The following ALDH1L1 variants were observed in gnomAD, a reference collection of about 807,000 sequenced individuals.
ALDH1L1 encodes cytosolic 10-formyltetrahydrofolate dehydrogenase.
Under a neutral mutation model 101.1 loss-of-function variants are expected in ALDH1L1, and 68 were observed. The ratio of observed to expected loss-of-function variants is 0.67; its 90% CI spans 0.55 to 0.82. The LOEUF is 0.82. Ranked by LOEUF, ALDH1L1 falls within the 40% of genes least tolerant of loss-of-function variation. The pLI, the probability that ALDH1L1 is intolerant of heterozygous loss-of-function variation, is 0.00. For missense variants in ALDH1L1, 1,087 were observed against 1,172.7 expected (o/e 0.93, Z 1.07); for synonymous variants, 486 against 470.8 (o/e 1.03, Z -0.42).
At position 126,107,266 on chromosome 3, in the gene ALDH1L1, C is replaced by T. The variant is rs865944134; in HGVS notation, c.2348-20G>A. ...AGAACCCTGCAAGAGAGATAAAAGC[C>T]CGTTGCACATGGGAGACACGGTGCC... On this transcript the variant is annotated intron_variant, in intron 20 of 22. Transcript: ENST00000393434. 6.2e-7 allele frequency: 1 copy of T among 1,601,498 alleles called. No individual in the cohort carries two copies. Among genetic ancestry groups the T allele is most frequent in the Admixed American group, 1.7e-5 (1 of 60,008 alleles).
At chr3:126,142,290 T>C (rs2080583874) in intron 9 of ALDH1L1, among the ~76,000 whole-genome samples, 1 of 152,190 alleles carries the variant, frequency 6.6e-6, no homozygotes, top group Non-Finnish European at 1.5e-5. Flanking sequence ...AACACCAATT[T>C]TTCTCAAACT....
At chr3:126,156,798 A>T (rs531831776) in intron 4 of ALDH1L1, 2 of 152,122 alleles carry the variant, frequency 1.3e-5, no homozygotes, top group African/African-American at 4.8e-5. Context: ...GGATCACATG[A>T]CCCCCAAGCT....
rs930549417 is a variant in ALDH1L1 at position 126,117,900 on chromosome 3, G to C, written c.1982+105C>G. On this transcript the variant is annotated intron_variant, in intron 17 of 22. Transcript: ENST00000393434. The stretch of plus-strand genomic sequence containing the variant: ...GCCCAGCAGGGCCACGGAAGTGGCT[G>C]TGCCCTGGAGCCTGGGAAGCAGGAC... 6.1e-6 allele frequency: 7 copies of C among 1,146,600 alleles called. No individual in the cohort carries two copies. In the Admixed American group the frequency reaches 8.1e-5, roughly 13 times the overall value. 71.0% of individuals were successfully genotyped at this position (1,146,600 alleles called of 1,614,324 possible).
intron 1 of ALDH1L1, among the ~76,000 whole-genome samples, chr3:126,191,494 G>C (rs767329263): frequency 6.6e-6 from 1 of 152,166 alleles, no homozygotes; most frequent in African/African-American, 2.4e-5. Flanking sequence ...TTGGGGCTGC[G>C]GTAAGGCCGG....
chr3:126,172,832 C>G (rs1416001969), intron 1 of ALDH1L1, among the ~76,000 whole-genome samples: 2 of 150,792 alleles, frequency 1.3e-5, no homozygotes, highest in Non-Finnish European at 3.0e-5. Context: ...CAGAGATAAT[C>G]TTCAGTGAAG....
intron 4 of ALDH1L1, 35 bp downstream of exon 4, chr3:126,157,308 G>A (rs2080930665): frequency 1.3e-6 from 2 of 1,591,134 alleles, no homozygotes; most frequent in Admixed American, 3.4e-5. Flanking sequence ...GGGTGCGTCG[G>A]GGCGGGCAGG....
chr3:126,106,657 C>T (rs1576404015), intron 21 of ALDH1L1, among the ~76,000 whole-genome samples: 1 of 152,154 alleles, frequency 6.6e-6, no homozygotes, highest in South Asian at 2.1e-4. Context: ...CCCGAGGCTG[C>T]CACGCGGAGG....
chr3:126,181,182 G>A (rs2081470430), upstream of ALDH1L1: 4 of 635,626 alleles, frequency 6.3e-6, no homozygotes, highest in South Asian at 3.8e-5. Flanking sequence ...TCCTGGTGCC[G>A]CAGACCCCTC....
chr3:126,156,148 T>C (rs2080899347), intron 4 of ALDH1L1: 1 of 152,244 alleles, frequency 6.6e-6, no homozygotes, highest in African/African-American at 2.4e-5. Flanking sequence ...CCAGGGGACT[T>C]AGAATGTGGC....
intron 1 of ALDH1L1, among the ~76,000 whole-genome samples, chr3:126,197,017 A>C (rs551189014): frequency 6.6e-6 from 1 of 152,326 alleles, no homozygotes; most frequent in East Asian, 1.9e-4. Flanking sequence ...ATCCCCTGGA[A>C]GGCAGAGACC....
chr3:126,159,224 A>G (rs748393734), intron 2 of ALDH1L1, among the ~76,000 whole-genome samples: 13 of 147,620 alleles, frequency 8.8e-5, no homozygotes, highest in Non-Finnish European at 1.2e-4. Flanking sequence ...ACATGCGTGC[A>G]CACACACACA....
At chr3:126,152,980 G>C (rs2080835145) in intron 7 of ALDH1L1, 1 of 272,854 alleles carries the variant, frequency 3.7e-6, no homozygotes, top group African/African-American at 2.2e-5. Context: ...AATAACAAGA[G>C]CAGGTGGCCG....
chr3:126,187,944 G>A (rs2081530445), intron 1 of ALDH1L1, among the ~76,000 whole-genome samples: 2 of 151,216 alleles, frequency 1.3e-5, no homozygotes, highest in African/African-American at 4.9e-5. Context: ...TATTTGAGAA[G>A]AAAAAAAAAG....
At chr3:126,144,903 C>G (rs1434982722) in intron 9 of ALDH1L1, among the ~76,000 whole-genome samples, 2 of 152,096 alleles carry the variant, frequency 1.3e-5, no homozygotes, top group African/African-American at 4.8e-5. Flanking sequence ...GCATGGAATG[C>G]GAGAAAACTT....
rs901793124 is a variant in ALDH1L1 at position 126,150,709 on chromosome 3, C to T, written c.859-178G>A. ...TAGCTGGGATTACAGGCGCGCACCA[C>T]CATGCCCGACTAATTTTTGTTTGTA... On this transcript the variant is annotated intron_variant, in intron 7 of 22. Transcript: ENST00000393434. The T allele has an allele frequency of 3.0e-5, 18 of 595,198 alleles. No homozygotes were observed. The Middle Eastern group carries it at 2.3e-3, about 74-fold the overall frequency. The allele number at this position is 595,198 out of a possible 1,614,324, so 36.9% of individuals were successfully genotyped here. A position where few individuals can be genotyped will look rare whatever the true frequency, so the allele number is the denominator to read the frequency against.
upstream of ALDH1L1, among the ~76,000 whole-genome samples, chr3:126,186,417 G>A (rs542049027): frequency 1.2e-3 from 177 of 152,320 alleles, 2 homozygotes; most frequent in East Asian, 2.9e-3. Flanking sequence ...TGAGCAGAAC[G>A]TGGCACTGGT....
Position 126,136,848 on chromosome 3 carries a change from C to CA in ALDH1L1, c.1259dup (p.Met420IlefsTer21). On this transcript the variant is annotated frameshift_variant, in exon 11 of 23. Transcript: ENST00000393434. LOFTEE classifies it high-confidence loss of function. The stretch of plus-strand genomic sequence containing the variant: ...CCCCCCCAATGAAGAGCTGGTGGGG[C>CA]ATGCGGACAGTGCGCTTGTTCACTG... 1.2e-6 allele frequency: 2 copies of CA among 1,612,582 alleles called. No homozygotes were observed. The highest frequency in any genetic ancestry group is 8.5e-7 in the Non-Finnish European group (1 of 1,179,476).
intron 17 of ALDH1L1, among the ~76,000 whole-genome samples, chr3:126,115,947 A>C (rs2108197942): frequency 6.7e-6 from 1 of 148,868 alleles, no homozygotes; most frequent in Non-Finnish European, 1.5e-5. Context: ...ATCTCAGCTT[A>C]CTGTAACCTC....
chr3:126,178,595 C>T (rs2081409800), intron 1 of ALDH1L1, among the ~76,000 whole-genome samples: 1 of 151,828 alleles, frequency 6.6e-6, no homozygotes, highest in African/African-American at 2.4e-5. Context: ...AAATACAGTC[C>T]AATTGGGTTA....
Sources: gnomAD v4.1 joint callset for allele counts (sites outside exome capture counted in the v4.1 genomes callset) on GRCh38, gnomAD v4.1.1 for gene constraint, MANE v1.5 for transcripts, NCBI Gene and HGNC (gene_info 2026-07-23, HGNC 2026-07-21) for gene names.